HS3ST2: variants seen among roughly 807,000 people sequenced by gnomAD.
HS3ST2 encodes the protein heparan sulfate-glucosamine 3-sulfotransferase 2.
A neutral mutation model predicts 26.3 loss-of-function variants in HS3ST2; 17 were observed. The ratio of observed to expected loss-of-function variants is 0.65; its 90% CI spans 0.44 to 0.97. HS3ST2 has a LOEUF of 0.97. Ranked by LOEUF, HS3ST2 falls within the 50% of genes least tolerant of loss-of-function variation. HS3ST2 has a pLI of 0.00. For synonymous variants in HS3ST2, 237 were observed against 219.2 expected (o/e 1.08, Z -0.72); for missense variants, 402 against 501.2 (o/e 0.80, Z 1.89).
intron 1 of HS3ST2, among the ~76,000 whole-genome samples, chr16:22,874,371 C>T (rs1901882202): frequency 6.6e-6 from 1 of 152,240 alleles, no homozygotes; most frequent in Admixed American, 6.5e-5. Flanking sequence ...ATTTCCTCCT[C>T]CACGTCCCAT....
In HS3ST2 at chr16:22,855,700, C is replaced by CTCTG. The variant is rs769590493; in HGVS notation, c.485+40608_485+40609insGTCT. 3.0e-3 allele frequency among the ~76,000 whole-genome samples: 433 copies of CTCTG among 142,892 alleles called. 2 individuals carry two copies. In the Middle Eastern group the frequency reaches 0.038, roughly 13 times the overall value. The allele number at this position is 142,892 out of a possible 152,430, so 93.7% of individuals were successfully genotyped here. Reference sequence around the variant, plus strand: ...TGTCTGTCTCTCTGTCTCTCTGTCTCTCTCTCTCTCTCTCTCTCTCTCTCT... The same window carrying CTCTG: ...TGTCTGTCTCTCTGTCTCTCTGTCTCTCTGTCTCTCTCTCTCTCTCTCTCTCTCT... On this transcript the variant is annotated intron_variant, in intron 1 of 1. Coordinates refer to ENST00000261374, the MANE Select transcript of HS3ST2 (RefSeq NM_006043.2).
At chr16:22,866,321 G>A (rs56053049) in intron 1 of HS3ST2, among the ~76,000 whole-genome samples, 6,145 of 148,290 alleles carry the variant, frequency 0.041, 183 homozygotes, top group Middle Eastern at 0.09. Flanking sequence ...GCACGTGCGC[G>A]CGCGCGCACA....
rs1013298661 is a variant in HS3ST2 at position 22,916,256 on chromosome 16, T to G, written c.*694T>G. The G allele has an allele frequency of 6.5e-6, 1 of 152,734 alleles. No individual in the cohort carries two copies. Among genetic ancestry groups the G allele is most frequent in the Non-Finnish European group, 1.5e-5 (1 of 68,086 alleles). 9.5% of individuals were successfully genotyped at this position (152,734 alleles called of 1,614,324 possible). A position where few individuals can be genotyped will look rare whatever the true frequency, so the allele number is the denominator to read the frequency against. On this transcript the variant is annotated 3_prime_UTR_variant, in exon 2 of 2. Transcript: ENST00000261374. ...CATAATTCTGCTGTTACGGGTACTT[T>G]GCTCATACGAGCTTTCATGTTCAGC...
At chr16:22,885,761 C>T (rs1387183883) in intron 1 of HS3ST2, among the ~76,000 whole-genome samples, 1 of 152,040 alleles carries the variant, frequency 6.6e-6, no homozygotes, top group Non-Finnish European at 1.5e-5. Flanking sequence ...CAGCCTAGTC[C>T]TTAATTTTTT....
chr16:22,875,717 C>A (rs996669004), intron 1 of HS3ST2, among the ~76,000 whole-genome samples: 2 of 152,124 alleles, frequency 1.3e-5, no homozygotes, highest in Admixed American at 6.5e-5. Flanking sequence ...CAGTTGTGTA[C>A]AGGAATGTCC....
intron 1 of HS3ST2, among the ~76,000 whole-genome samples, chr16:22,880,786 G>A (rs976656518): frequency 8.5e-5 from 13 of 152,178 alleles, no homozygotes; most frequent in Non-Finnish European, 4.4e-5. Context: ...ATGGACTCTG[G>A]TAGAAATAAG....
At chr16:22,901,046 C>T (rs575004671) in intron 1 of HS3ST2, among the ~76,000 whole-genome samples, 1 of 152,220 alleles carries the variant, frequency 6.6e-6, no homozygotes, top group African/African-American at 2.4e-5. Context: ...AAAGAGGAAC[C>T]TGCTAATAGA....
intron 1 of HS3ST2, among the ~76,000 whole-genome samples, chr16:22,847,092 T>G (rs1290532406): frequency 1.3e-5 from 2 of 152,164 alleles, no homozygotes; most frequent in Non-Finnish European, 2.9e-5. Context: ...GTACTAAGCC[T>G]AGTACCCAAT....
chr16:22,818,871 T>C (rs1172903491), intron 1 of HS3ST2, among the ~76,000 whole-genome samples: 1 of 16,726 alleles, frequency 6.0e-5, no homozygotes, highest in African/African-American at 4.8e-4. Context: ...CCTCCCTTCC[T>C]TCCTTCCTTC....
chr16:22,852,793 G>A (rs1901535982), intron 1 of HS3ST2, among the ~76,000 whole-genome samples: 2 of 152,198 alleles, frequency 1.3e-5, no homozygotes, highest in South Asian at 2.1e-4. Flanking sequence ...ATGGTGACTC[G>A]TGTTCACCAA....
In HS3ST2 at chr16:22,876,397, A is replaced by G. The variant is rs140608491; in HGVS notation, c.486-38547A>G. Among the ~76,000 whole-genome samples the G allele has an allele frequency of 2.7e-3, 413 of 152,320 alleles. 2 individuals carry two copies. The highest frequency in any genetic ancestry group is 8.8e-3 in the African/African-American group (366 of 41,584). On this transcript the variant is annotated intron_variant, in intron 1 of 1. Coordinates refer to ENST00000261374, the MANE Select transcript of HS3ST2 (RefSeq NM_006043.2). ...AGGAAATGCAAATCAAAACTACAATACAATACCACATTACTTCTGCAAGAA... is the reference window on the plus strand; with the variant it reads ...AGGAAATGCAAATCAAAACTACAATGCAATACCACATTACTTCTGCAAGAA...
Position 22,888,786 on chromosome 16 carries a change from G to A in HS3ST2, c.486-26158G>A, listed in dbSNP as rs142478149. Among the ~76,000 whole-genome samples the A allele has an allele frequency of 3.6e-3, 545 of 152,264 alleles. 2 individuals are homozygous for A. Among genetic ancestry groups the A allele is most frequent in the African/African-American group, 0.013 (520 of 41,544 alleles). Reference sequence around the variant, plus strand: ...TGCCACTTCATCTGAGTATTAGTTTGGATGTAGATTTAACCAAATTAATGT... The same window carrying A: ...TGCCACTTCATCTGAGTATTAGTTTAGATGTAGATTTAACCAAATTAATGT... On this transcript the variant is annotated intron_variant, in intron 1 of 1. Coordinates refer to ENST00000261374, the MANE Select transcript of HS3ST2 (RefSeq NM_006043.2).
intron 1 of HS3ST2, among the ~76,000 whole-genome samples, chr16:22,886,703 T>C (rs1484949020): frequency 6.6e-6 from 1 of 152,108 alleles, no homozygotes; most frequent in African/African-American, 2.4e-5. Context: ...ATTTACTCTG[T>C]TTTCCTTTGC....
At chr16:22,873,963 G>C (rs930867900) in intron 1 of HS3ST2, among the ~76,000 whole-genome samples, 1 of 152,220 alleles carries the variant, frequency 6.6e-6, no homozygotes, top group Non-Finnish European at 1.5e-5. Context: ...ACTCAATGGA[G>C]ATCACAGGGT....
chr16:22,840,959 C>T (rs1901344421), intron 1 of HS3ST2, among the ~76,000 whole-genome samples: 1 of 132,352 alleles, frequency 7.6e-6, no homozygotes, highest in Non-Finnish European at 1.6e-5. Flanking sequence ...TGCTATTCCT[C>T]CCCCCTCCCC....
chr16:22,862,034 G>A (rs1192799664), intron 1 of HS3ST2, among the ~76,000 whole-genome samples: 1 of 152,154 alleles, frequency 6.6e-6, no homozygotes, highest in Non-Finnish European at 1.5e-5. Flanking sequence ...CTGCTTCTCT[G>A]TCCACCCCAA....
chr16:22,880,037 TCTG>T (rs1313068898), intron 1 of HS3ST2, among the ~76,000 whole-genome samples: 1 of 152,168 alleles, frequency 6.6e-6, no homozygotes, highest in Non-Finnish European at 1.5e-5. Context: ...TGAAGAACAT[TCTG>T]CTAACTTAGG....
At position 22,915,165 on chromosome 16, in the gene HS3ST2, G is replaced by A. The variant is rs1384195458; in HGVS notation, c.707G>A (p.Arg236His). The change falls in exon 2 of 2, where the codon CGC (arginine) becomes CAC (histidine). Residue 236 changes from arginine to histidine, a missense_variant. Transcript: ENST00000261374. Reference protein sequence around the residue: ...PTFEGLSFRNRTLGLVDVSWN... With the variant: ...PTFEGLSFRNHTLGLVDVSWN... ...TTTGAGGGCCTCTCCTTCCGCAACC[G>A]CACCCTGGGCCTGGTGGACGTGTCA... 6.2e-7 allele frequency: 1 copy of A among 1,614,058 alleles called. No individual in the cohort carries two copies. Among genetic ancestry groups the A allele is most frequent in the Non-Finnish European group, 8.5e-7 (1 of 1,179,996 alleles).
chr16:22,858,446 T>C (rs1427551280), intron 1 of HS3ST2, among the ~76,000 whole-genome samples: 1 of 151,966 alleles, frequency 6.6e-6, no homozygotes, highest in Non-Finnish European at 1.5e-5. Context: ...AAAATTCAGC[T>C]GCTAAGACAA....
Sources: gnomAD v4.1 joint callset for allele counts (sites outside exome capture counted in the v4.1 genomes callset) on GRCh38, gnomAD v4.1.1 for gene constraint, MANE v1.5 for transcripts, NCBI Gene and HGNC (gene_info 2026-07-23, HGNC 2026-07-21) for gene names.